NELL1: variants seen among roughly 807,000 people sequenced by gnomAD.
The protein encoded by NELL1 is protein kinase C-binding protein NELL1.
In NELL1, 76 loss-of-function variants were observed where a neutral mutation model predicts 107.4. That is an observed-to-expected ratio of 0.71 (90% CI 0.59 to 0.86). The LOEUF (loss-of-function observed/expected upper bound fraction) is 0.86. Among genes scored for constraint, NELL1 ranks in the 40% least tolerant of loss-of-function variants. The pLI, the probability that NELL1 is intolerant of heterozygous loss-of-function variation, is 0.00. For missense variants in NELL1, 1,024 were observed against 1,005.5 expected (o/e 1.02, Z -0.25); for synonymous variants, 353 against 341.2 (o/e 1.03, Z -0.38).
At chr11:21,180,090 T>C (rs1404406717) in intron 13 of NELL1, among the ~76,000 whole-genome samples, 2 of 151,430 alleles carry the variant, frequency 1.3e-5, no homozygotes, top group Non-Finnish European at 1.5e-5. Context: ...CGGGGGGCTC[T>C]GGATTTGCCC....
At chr11:20,689,682 T>C (rs890182744) in intron 2 of NELL1, among the ~76,000 whole-genome samples, 3 of 148,568 alleles carry the variant, frequency 2.0e-5, no homozygotes, top group Non-Finnish European at 4.5e-5. Flanking sequence ...ATCCAGTCTA[T>C]CATTGTTGGA....
chr11:20,991,770 C>G (rs1851979512), intron 12 of NELL1, among the ~76,000 whole-genome samples: 2 of 152,174 alleles, frequency 1.3e-5, no homozygotes, highest in Non-Finnish European at 1.5e-5. Context: ...ACTCGCTAGT[C>G]CACACTGACT....
chr11:21,504,253 T>TACG (rs1444302243), intron 15 of NELL1: 1 of 152,232 alleles, frequency 6.6e-6, no homozygotes, highest in Non-Finnish European at 1.5e-5. Context: ...ATTGTGACAA[T>TACG]ACGATCATGA....
intron 2 of NELL1, among the ~76,000 whole-genome samples, chr11:20,766,259 C>G (rs1387347354): frequency 6.6e-6 from 1 of 152,164 alleles, no homozygotes; most frequent in East Asian, 1.9e-4. Context: ...AGAGGAGCAA[C>G]TATTTTCATG....
intron 15 of NELL1, among the ~76,000 whole-genome samples, chr11:21,385,245 A>G (rs1457103933): frequency 2.0e-5 from 3 of 151,826 alleles, no homozygotes; most frequent in Non-Finnish European, 4.4e-5. Context: ...TGTCTTTGCC[A>G]TTATATTTCC....
At chr11:21,272,672 C>A (rs1848765556) in intron 14 of NELL1, among the ~76,000 whole-genome samples, 1 of 152,234 alleles carries the variant, frequency 6.6e-6, no homozygotes, top group African/African-American at 2.4e-5. Context: ...CAGACTGACA[C>A]CTCACACGGC....
At chr11:21,321,206 T>C (rs1850002031) in intron 14 of NELL1, among the ~76,000 whole-genome samples, 1 of 152,232 alleles carries the variant, frequency 6.6e-6, no homozygotes, top group Non-Finnish European at 1.5e-5. Flanking sequence ...CCAGGAGATT[T>C]GTAATTGCTT....
chr11:21,000,752 G>A (rs1250557631), intron 12 of NELL1: 1 of 152,214 alleles, frequency 6.6e-6, no homozygotes, highest in Non-Finnish European at 1.5e-5. Flanking sequence ...TATGCAGCAG[G>A]ATGTTAAAAT....
chr11:21,420,044 G>A (rs1052913833), intron 15 of NELL1, among the ~76,000 whole-genome samples: 2 of 151,980 alleles, frequency 1.3e-5, no homozygotes, highest in Non-Finnish European at 2.9e-5. Flanking sequence ...ACTTAGAGGT[G>A]CGTGTGGGTG....
At chr11:20,864,354 C>T (rs1849056241) in intron 4 of NELL1, among the ~76,000 whole-genome samples, 1 of 152,102 alleles carries the variant, frequency 6.6e-6, no homozygotes, top group Non-Finnish European at 1.5e-5. Context: ...TCGAAGACTG[C>T]AAGATACTTC....
intron 2 of NELL1, chr11:20,773,375 T>G (rs1856677576): frequency 6.6e-6 from 1 of 152,240 alleles, no homozygotes; most frequent in South Asian, 2.1e-4. Flanking sequence ...GATTTAATCT[T>G]TATACTATCC....
chr11:20,807,825 A>G (rs1857417657), intron 3 of NELL1, among the ~76,000 whole-genome samples: 1 of 151,914 alleles, frequency 6.6e-6, no homozygotes, highest in Admixed American at 6.6e-5. Context: ...TCCTCTGTCC[A>G]CCACCACCAC....
In NELL1 at chr11:21,103,848, A is replaced by G. The variant is rs375792060; in HGVS notation, c.1301-9741A>G. 2.3e-3 allele frequency among the ~76,000 whole-genome samples: 344 copies of G among 152,250 alleles called. 3 individuals carry two copies. The highest frequency in any genetic ancestry group is 8.0e-3 in the African/African-American group (332 of 41,538). The stretch of plus-strand genomic sequence containing the variant: ...GGGATTCCTTCCCCAGTCTCTTTCA[A>G]CGGAATTAGCCTCTTCTTTCTCTTG... On this transcript the variant is annotated intron_variant, in intron 12 of 19. Transcript: ENST00000357134.
intron 2 of NELL1, among the ~76,000 whole-genome samples, chr11:20,708,989 G>A (rs1174449358): frequency 6.6e-6 from 1 of 152,086 alleles, no homozygotes; most frequent in Non-Finnish European, 1.5e-5. Context: ...GTTCACAATA[G>A]GGGTCATGCT....
intron 2 of NELL1, among the ~76,000 whole-genome samples, chr11:20,755,250 G>A (rs1374425202): frequency 6.6e-6 from 1 of 152,134 alleles, no homozygotes; most frequent in African/African-American, 2.4e-5. Flanking sequence ...CAGAAAACTA[G>A]CTGAGAGAAT....
intron 5 of NELL1, among the ~76,000 whole-genome samples, chr11:20,901,303 C>T (rs1455215789): frequency 6.6e-6 from 1 of 151,914 alleles, no homozygotes; most frequent in Non-Finnish European, 1.5e-5. Context: ...ACAGTGGCAG[C>T]TGCAACAGCA....
chr11:20,704,616 T>C (rs140606383), intron 2 of NELL1, among the ~76,000 whole-genome samples: 24 of 152,216 alleles, frequency 1.6e-4, no homozygotes, highest in African/African-American at 5.8e-4. Flanking sequence ...TCTTTAGAGT[T>C]TGGCATGTTT....
intron 14 of NELL1, among the ~76,000 whole-genome samples, chr11:21,262,182 C>G (rs1198363491): frequency 6.6e-6 from 1 of 151,750 alleles, no homozygotes. Context: ...TATAAATACC[C>G]TCTAAGACAT....
intron 2 of NELL1, among the ~76,000 whole-genome samples, chr11:20,768,983 GT>G (rs1856589572): frequency 6.6e-6 from 1 of 152,212 alleles, no homozygotes; most frequent in African/African-American, 2.4e-5. Flanking sequence ...AGGACTTTAA[GT>G]AAGGGATTGA....
Sources: allele counts gnomAD v4.1 joint callset (sites outside exome capture counted in the v4.1 genomes callset), GRCh38; gene constraint gnomAD v4.1.1; transcripts MANE v1.5; gene names NCBI Gene and HGNC (gene_info 2026-07-23, HGNC 2026-07-21).